Variants in NCAPH observed in about 807,000 individuals in gnomAD.
NCAPH encodes the protein condensin complex subunit 2.
In NCAPH, 38 loss-of-function variants were observed where a neutral mutation model predicts 85.5. The ratio of observed to expected loss-of-function variants is 0.44; its 90% CI spans 0.34 to 0.58. NCAPH has a LOEUF of 0.58. NCAPH is among the 20% of genes least tolerant of loss of function. The pLI, the probability that NCAPH is intolerant of heterozygous loss-of-function variation, is 0.01. For synonymous variants in NCAPH, 301 were observed against 335.1 expected, an observed-to-expected ratio of 0.90 and a Z score of 1.11; for missense variants, 789 against 916.6, an observed-to-expected ratio of 0.86 and a Z score of 1.80.
intron 1 of NCAPH, among the ~76,000 whole-genome samples, chr2:96,338,616 G>T (rs1187245169): frequency 1.3e-5 from 2 of 152,186 alleles, no homozygotes; most frequent in East Asian, 3.8e-4. Flanking sequence ...GTAAGAGGAA[G>T]GTCGTCGGGG....
chr2:96,369,021 A>C lies in NCAPH; in HGVS notation c.2048A>C (p.Asp683Ala). ...GKEAALAEVADEKMLSGLTKD... is the reference protein window; with the variant it reads ...GKEAALAEVAAEKMLSGLTKD... ...GAAGCGGCCCTGGCAGAAGTGGCTG[A>C]CGAGAAGATGCTTAGCGGGCTCACG... Residue 683 changes from aspartate to alanine, a missense_variant, in exon 16 of 18, where the codon GAC (aspartate) becomes GCC (alanine). Coordinates refer to ENST00000240423, the MANE Select transcript of NCAPH (RefSeq NM_015341.5). 1 of 1,556,816 alleles carries C rather than the reference A, an allele frequency of 6.4e-7. No individual in the cohort carries two copies. Among genetic ancestry groups the C allele is most frequent in the Non-Finnish European group, 8.7e-7 (1 of 1,149,788 alleles).
At chr2:96,362,762 A>G (rs768005309) in intron 12 of NCAPH, among the ~76,000 whole-genome samples, 2 of 152,220 alleles carry the variant, frequency 1.3e-5, no homozygotes, top group South Asian at 2.1e-4. Flanking sequence ...TAAAACTTGA[A>G]TGGATGAGAA....
intron 6 of NCAPH, among the ~76,000 whole-genome samples, chr2:96,348,931 G>A (rs913299350): frequency 2.6e-5 from 4 of 152,112 alleles, no homozygotes; most frequent in African/African-American, 9.7e-5. Context: ...TTACAGACGC[G>A]AGCCACCGCT....
In NCAPH at chr2:96,337,544, C is replaced by T. The variant is rs576323346; in HGVS notation, c.19+1696C>T. Among the ~76,000 whole-genome samples the T allele has an allele frequency of 2.6e-4, 39 of 152,224 alleles. No individual in the cohort carries two copies. The South Asian group carries it at 6.4e-3, about 25-fold the overall frequency. The stretch of plus-strand genomic sequence containing the variant: ...ACGCTATTCTCCTGCCTCAGCCTCC[C>T]GAGTAGCTGGGACTACAGGCTCCTG... On this transcript the variant is annotated intron_variant, in intron 1 of 17. Coordinates refer to ENST00000240423, the MANE Select transcript of NCAPH (RefSeq NM_015341.5).
At chr2:96,363,356 C>T (rs1356589594) in intron 12 of NCAPH, among the ~76,000 whole-genome samples, 1 of 151,860 alleles carries the variant, frequency 6.6e-6, no homozygotes, top group East Asian at 1.9e-4. Flanking sequence ...GAGAGTGTGC[C>T]CAGAGGAGAG....
chr2:96,346,551 A>T lies in NCAPH; in HGVS notation c.720+2322A>T, dbSNP rs951988168. On this transcript the variant is annotated intron_variant, in intron 6 of 17. Coordinates refer to ENST00000240423, the MANE Select transcript of NCAPH (RefSeq NM_015341.5). ...CTGGAGGAGGTGAGTGCATGTGTAA[A>T]GGTGTGGTTGCATTCACTGCTTAGG... Among the ~76,000 whole-genome samples, 4 of 152,266 alleles carry T rather than the reference A, an allele frequency of 2.6e-5. No homozygotes were observed. The South Asian group carries it at 8.3e-4, about 32-fold the overall frequency.
rs200434351 is a variant in NCAPH at position 96,344,101 on chromosome 2, T to A, written c.596-4T>A. On this transcript the variant is annotated splice_region_variant and splice_polypyrimidine_tract_variant and intron_variant, in intron 5 of 17. Coordinates refer to ENST00000240423, the MANE Select transcript of NCAPH (RefSeq NM_015341.5). Reference sequence around the variant, plus strand: ...GCAGTACGCAATTGTATTTCTCCTTTTAGATGGAAGTGCTACTGAAATGGG... The same window carrying A: ...GCAGTACGCAATTGTATTTCTCCTTATAGATGGAAGTGCTACTGAAATGGG... The A allele has an allele frequency of 6.2e-7, 1 of 1,609,018 alleles. No individual in the cohort carries two copies. Among genetic ancestry groups the A allele is most frequent in the Admixed American group, 1.7e-5 (1 of 58,354 alleles).
At position 96,376,269 on chromosome 2, in the gene NCAPH, A is replaced by G. The variant is rs60938470; in HGVS notation, c.*2918A>G. ...GAGAATTTGCAAGATAGAATTTGCAATTTGCAAGAGGGAATTGCAATTTGC... is the reference window on the plus strand; with the variant it reads ...GAGAATTTGCAAGATAGAATTTGCAGTTTGCAAGAGGGAATTGCAATTTGC... On this transcript the variant is annotated 3_prime_UTR_variant, in exon 18 of 18. Coordinates refer to ENST00000240423, the MANE Select transcript of NCAPH (RefSeq NM_015341.5). Among the ~76,000 whole-genome samples the G allele has an allele frequency of 1.3e-5, 2 of 152,292 alleles. No individual in the cohort carries two copies. The highest frequency in any genetic ancestry group is 2.9e-5 in the Non-Finnish European group (2 of 68,020).
chr2:96,367,242 A>G lies in NCAPH; in HGVS notation c.1882-15A>G, dbSNP rs1458488696. On this transcript the variant is annotated splice_polypyrimidine_tract_variant and intron_variant, in intron 14 of 17. Transcript: ENST00000240423. Reference sequence around the variant, plus strand: ...TTATTCTGCTTAGTTTTACTTTGTCATATACCTATTTCAGGTAAATAAAAT... The same window carrying G: ...TTATTCTGCTTAGTTTTACTTTGTCGTATACCTATTTCAGGTAAATAAAAT... 3.2e-6 allele frequency: 5 copies of G among 1,555,102 alleles called. No homozygotes were observed. The South Asian group carries it at 3.3e-5, about 10-fold the overall frequency.
chr2:96,369,451 TC>T lies in NCAPH; in HGVS notation c.2118del (p.Ser707ProfsTer12). 6.2e-7 allele frequency: 1 copy of T among 1,614,154 alleles called. No individual in the cohort carries two copies. The highest frequency in any genetic ancestry group is 8.5e-7 in the Non-Finnish European group (1 of 1,179,988). ...RSLPPVMAQNLSIPLAFACLL... is the reference protein window; with the variant it reads ...RSLPPVMAQNXSIPLAFACLL... ...CTGCCCCCTGTCATGGCTCAGAACCTCTCCATACCTCTGGCTTTTGCCTGTC... is the reference window on the plus strand; with the variant it reads ...CTGCCCCCTGTCATGGCTCAGAACCTTCCATACCTCTGGCTTTTGCCTGTC... On this transcript the variant is annotated frameshift_variant, in exon 17 of 18. Coordinates refer to ENST00000240423, the MANE Select transcript of NCAPH (RefSeq NM_015341.5). LOFTEE classifies it high-confidence loss of function.
intron 12 of NCAPH, among the ~76,000 whole-genome samples, chr2:96,361,751 TATATATATATATATATAC>T: frequency 8.8e-6 from 1 of 114,086 alleles, no homozygotes; most frequent in Non-Finnish European, 1.9e-5. Context: ...ATTTTAATGA[TATATATATATATATATAC>T]ATATATATAT....
At chr2:96,337,696 G>C (rs1293170247) in intron 1 of NCAPH, among the ~76,000 whole-genome samples, 1 of 152,118 alleles carries the variant, frequency 6.6e-6, no homozygotes, top group Non-Finnish European at 1.5e-5. Context: ...GGGATTACAG[G>C]CATGAGCCAC....
chr2:96,340,807 T>G (rs2064283568), intron 1 of NCAPH, among the ~76,000 whole-genome samples: 1 of 151,370 alleles, frequency 6.6e-6, no homozygotes, highest in African/African-American at 2.4e-5. Context: ...TTTTTGGTTG[T>G]TATCTTTTAA....
chr2:96,371,218 C>T (rs926990813), intron 17 of NCAPH, among the ~76,000 whole-genome samples: 7 of 152,122 alleles, frequency 4.6e-5, no homozygotes, highest in East Asian at 1.9e-4. Context: ...GAATCTCATT[C>T]GCACACCATC....
At chr2:96,335,982 A>G in intron 1 of NCAPH, 134 bp downstream of exon 1, 1 of 652,276 alleles carries the variant, frequency 1.5e-6, no homozygotes, top group East Asian at 5.3e-5. Context: ...TGCGGCTGAC[A>G]GCAGAGGCCG....
intron 13 of NCAPH, among the ~76,000 whole-genome samples, chr2:96,365,340 A>C (rs559969878): frequency 6.6e-6 from 1 of 152,240 alleles, no homozygotes; most frequent in East Asian, 1.9e-4. Flanking sequence ...TCAAACTTTA[A>C]CTTACATACA....
chr2:96,365,789 T>G, intron 13 of NCAPH, 87 bp from the exon 14 acceptor site: 1 of 1,351,276 alleles, frequency 7.4e-7, no homozygotes. Flanking sequence ...GGTCTCTTCT[T>G]GCTTTGTAAA....
In NCAPH at chr2:96,376,850, A is replaced by G. The variant is rs980540312; in HGVS notation, c.*3499A>G. Among the ~76,000 whole-genome samples, 7 of 152,224 alleles carry G rather than the reference A, an allele frequency of 4.6e-5. No individual in the cohort carries two copies. The highest frequency in any genetic ancestry group is 1.7e-4 in the African/African-American group (7 of 41,466). ...TGGGTACCAAAAGAAAAAAAAATGA[A>G]TAAGATCTACTATTTGATAGCACAA... On this transcript the variant is annotated 3_prime_UTR_variant, in exon 18 of 18. Coordinates refer to ENST00000240423, the MANE Select transcript of NCAPH (RefSeq NM_015341.5).
At chr2:96,343,036 C>A in intron 4 of NCAPH, 130 bp from the exon 5 acceptor site, 1 of 1,277,240 alleles carries the variant, frequency 7.8e-7, no homozygotes, top group Non-Finnish European at 1.1e-6. Context: ...TATTCCCTAT[C>A]AGTCATAGAG....
Sources: allele counts gnomAD v4.1 joint callset (sites outside exome capture counted in the v4.1 genomes callset), GRCh38; gene constraint gnomAD v4.1.1; transcripts MANE v1.5; gene names NCBI Gene and HGNC (gene_info 2026-07-23, HGNC 2026-07-21).